The following BRINP3 variants were observed in gnomAD, a reference collection of about 807,000 sequenced individuals.
The protein encoded by BRINP3 is BMP/retinoic acid inducible neural specific 3.
Under a neutral mutation model 71.0 loss-of-function variants are expected in BRINP3, and 19 were observed. That is an observed-to-expected ratio of 0.27 (90% CI 0.19 to 0.39). BRINP3 has a LOEUF of 0.39. Ranked by LOEUF, BRINP3 falls within the 10% of genes least tolerant of loss-of-function variation. BRINP3 has a pLI of 1.00. For synonymous variants in BRINP3, 380 were observed against 337.7 expected (o/e 1.13, Z -1.37); for missense variants, 959 against 940.8 (o/e 1.02, Z -0.25).
In BRINP3 at chr1:190,123,091, T is replaced by C. The variant is rs541677708; in HGVS notation, c.1185-23957A>G. Among the ~76,000 whole-genome samples the C allele has an allele frequency of 2.6e-5, 4 of 152,216 alleles. No individual in the cohort carries two copies. In the East Asian group the frequency reaches 7.7e-4, roughly 29 times the overall value. Reference sequence around the variant, plus strand: ...CAAACTGAGAAGTCTCTGTAGCTGGTCACATAGCCTGATGGTGACACCTGT... The same window carrying C: ...CAAACTGAGAAGTCTCTGTAGCTGGCCACATAGCCTGATGGTGACACCTGT... On this transcript the variant is annotated intron_variant, in intron 7 of 7. Coordinates refer to ENST00000367462, the MANE Select transcript of BRINP3 (RefSeq NM_199051.3).
At chr1:190,289,585 C>G (rs1005398179) in intron 2 of BRINP3, among the ~76,000 whole-genome samples, 1 of 151,938 alleles carries the variant, frequency 6.6e-6, no homozygotes, top group Non-Finnish European at 1.5e-5. Context: ...CAATTTTACA[C>G]ACAAACACTT....
Position 190,414,272 on chromosome 1 carries a change from T to C in BRINP3, c.236+40383A>G, listed in dbSNP as rs1175874840. On this transcript the variant is annotated intron_variant, in intron 2 of 7. Transcript: ENST00000367462. ...ATTGAGCCCAGTGAAGTGCCATGTG[T>C]ACTCTGGTGCAGTTTTTTTTAAATT... is the stretch of plus-strand genomic sequence containing the variant. Among the ~76,000 whole-genome samples, 4 of 152,300 alleles carry C rather than the reference T, an allele frequency of 2.6e-5. 1 individual carries two copies. The East Asian group carries it at 5.8e-4, about 22-fold the overall frequency.
intron 2 of BRINP3, among the ~76,000 whole-genome samples, chr1:190,315,766 G>A (rs574939622): frequency 1.3e-5 from 2 of 152,210 alleles, no homozygotes; most frequent in South Asian, 2.1e-4. Flanking sequence ...TGCAGTGGAT[G>A]TAAGTATATT....
At chr1:190,357,791 C>A (rs1012978297) in intron 2 of BRINP3, among the ~76,000 whole-genome samples, 4 of 151,618 alleles carry the variant, frequency 2.6e-5, no homozygotes, top group Non-Finnish European at 5.9e-5. Flanking sequence ...TTGATTCTTC[C>A]TATCTGGTAC....
chr1:190,285,747 A>C (rs1663374348), intron 2 of BRINP3, among the ~76,000 whole-genome samples: 1 of 151,840 alleles, frequency 6.6e-6, no homozygotes, highest in Admixed American at 6.6e-5. Flanking sequence ...TTGTTTCCTG[A>C]AGACAAGATT....
intron 2 of BRINP3, among the ~76,000 whole-genome samples, chr1:190,381,363 C>A (rs1670538535): frequency 6.6e-6 from 1 of 152,104 alleles, no homozygotes; most frequent in Non-Finnish European, 1.5e-5. Flanking sequence ...TTTCAGTGAG[C>A]ACAAATTATT....
chr1:190,263,075 C>T (rs1661334979), intron 4 of BRINP3, among the ~76,000 whole-genome samples: 1 of 152,010 alleles, frequency 6.6e-6, no homozygotes, highest in Admixed American at 6.6e-5. Context: ...TGCTGAACAG[C>T]AACAACAAAA....
intron 7 of BRINP3, among the ~76,000 whole-genome samples, chr1:190,150,001 A>G (rs1417934691): frequency 6.6e-6 from 1 of 152,140 alleles, no homozygotes; most frequent in East Asian, 1.9e-4. Context: ...TTTGAAATGT[A>G]TTCACTCACT....
At chr1:190,152,294 C>T (rs898103035) in intron 7 of BRINP3, among the ~76,000 whole-genome samples, 28 of 151,802 alleles carry the variant, frequency 1.8e-4, no homozygotes, top group African/African-American at 6.8e-4. Context: ...TATCTCAACA[C>T]TTTAGTTGCT....
At chr1:190,271,740 A>G (rs1662129744) in intron 3 of BRINP3, among the ~76,000 whole-genome samples, 1 of 151,590 alleles carries the variant, frequency 6.6e-6, no homozygotes, top group Non-Finnish European at 1.5e-5. Context: ...GCATTTCTAC[A>G]TATGTCTTTG....
chr1:190,317,228 A>G (rs1181652205), intron 2 of BRINP3, among the ~76,000 whole-genome samples: 3 of 151,086 alleles, frequency 2.0e-5, no homozygotes. Context: ...AACAACAATT[A>G]CTCTCAGCAG....
chr1:190,312,753 G>A (rs183120974), intron 2 of BRINP3, among the ~76,000 whole-genome samples: 19 of 151,790 alleles, frequency 1.3e-4, no homozygotes, highest in South Asian at 2.1e-4. Flanking sequence ...TGCATCATCC[G>A]ATAATAGGAG....
chr1:190,283,663 A>G (rs928066599), intron 2 of BRINP3, among the ~76,000 whole-genome samples: 1 of 148,712 alleles, frequency 6.7e-6, no homozygotes, highest in Non-Finnish European at 1.5e-5. Flanking sequence ...TAAATATAGG[A>G]TATATAAATA....
chr1:190,228,719 G>A (rs1003649086), intron 5 of BRINP3, among the ~76,000 whole-genome samples: 14 of 151,814 alleles, frequency 9.2e-5, no homozygotes, highest in Non-Finnish European at 5.9e-5. Context: ...AGAACTAGTT[G>A]GTTCCTAGAG....
intron 2 of BRINP3, among the ~76,000 whole-genome samples, chr1:190,353,057 C>CA (rs946625713): frequency 3.4e-5 from 5 of 147,572 alleles, no homozygotes; most frequent in African/African-American, 1.2e-4. Context: ...AAAAGGAAAA[C>CA]AAAATCTTCA....
intron 2 of BRINP3, among the ~76,000 whole-genome samples, chr1:190,332,627 T>G (rs764765215): frequency 1.3e-5 from 2 of 152,022 alleles, no homozygotes; most frequent in Non-Finnish European, 2.9e-5. Flanking sequence ...TCTGCTTTCT[T>G]TTATTCATAT....
At position 190,442,997 on chromosome 1, in the gene BRINP3, C is replaced by T. The variant is rs1674936416; in HGVS notation, c.236+11658G>A. 2.0e-5 allele frequency among the ~76,000 whole-genome samples: 3 copies of T among 147,310 alleles called. No individual in the cohort carries two copies. The Admixed American group carries it at 2.1e-4, about 10-fold the overall frequency. On this transcript the variant is annotated intron_variant, in intron 2 of 7. Transcript: ENST00000367462. ...GCACAATCTCGGCTCGCTGCAAACT[C>T]TGCCTCCCGGGTTCAAGTGATTCTC...
intron 7 of BRINP3, among the ~76,000 whole-genome samples, chr1:190,160,132 C>T (rs1571872425): frequency 6.6e-6 from 1 of 152,026 alleles, no homozygotes; most frequent in East Asian, 1.9e-4. Context: ...ACACTGCTTC[C>T]CCAAGTCAGT....
At chr1:190,259,612 CAAAAAATAAATAAATAAATAAATAAATA>C (rs1270328916) in intron 4 of BRINP3, among the ~76,000 whole-genome samples, 1 of 115,912 alleles carries the variant, frequency 8.6e-6, no homozygotes, top group African/African-American at 3.1e-5. Context: ...GAGAATTAGG[CAAAAAATAAATAAATAAATAAATAAATA>C]AATAAATAAA....
Sources: gnomAD v4.1 joint callset for allele counts (sites outside exome capture counted in the v4.1 genomes callset) on GRCh38, gnomAD v4.1.1 for gene constraint, MANE v1.5 for transcripts, NCBI Gene and HGNC (gene_info 2026-07-23, HGNC 2026-07-21) for gene names.